The following MDN1 variants were observed in gnomAD, a reference collection of about 807,000 sequenced individuals.
The protein encoded by MDN1 is midasin AAA ATPase 1.
A neutral mutation model predicts 669.2 loss-of-function variants in MDN1; 266 were observed. That is an observed-to-expected ratio of 0.40 (90% CI 0.36 to 0.44). The LOEUF is 0.44. Among genes scored for constraint, MDN1 ranks in the 20% least tolerant of loss-of-function variants. The pLI, the probability that MDN1 is intolerant of heterozygous loss-of-function variation, is 1.00. For synonymous variants in MDN1, 2,385 were observed against 2,457.1 expected (o/e 0.97, Z 0.87); for missense variants, 5,940 against 6,754.0 (o/e 0.88, Z 4.22).
intron 43 of MDN1, among the ~76,000 whole-genome samples, chr6:89,717,947 AT>A (rs1258731032): frequency 6.6e-6 from 1 of 152,188 alleles, no homozygotes; most frequent in Non-Finnish European, 1.5e-5. Flanking sequence ...TTCCATGTTA[AT>A]TGGATGGCAT....
At chr6:89,727,600 T>C (rs577642562) in intron 37 of MDN1, among the ~76,000 whole-genome samples, 2 of 152,340 alleles carry the variant, frequency 1.3e-5, no homozygotes, top group Admixed American at 6.5e-5. Flanking sequence ...CTCTGAAGGA[T>C]AACTTTAAAC....
At chr6:89,710,564 G>C in intron 50 of MDN1, 117 bp downstream of exon 50, 2 of 484,322 alleles carry the variant, frequency 4.1e-6, no homozygotes, top group South Asian at 4.1e-5. Flanking sequence ...TGCATATCAT[G>C]AGTCTTCTAA....
At position 89,750,970 on chromosome 6, in the gene MDN1, A is replaced by ATT. The variant is rs11407844; in HGVS notation, c.3228-440_3228-439dup. Among the ~76,000 whole-genome samples the ATT allele has an allele frequency of 8.0e-3, 1,203 of 149,798 alleles. 17 individuals are homozygous for ATT. Among genetic ancestry groups the ATT allele is most frequent in the African/African-American group, 0.028 (1,123 of 40,746 alleles). On this transcript the variant is annotated intron_variant, in intron 23 of 101. Transcript: ENST00000369393. The stretch of plus-strand genomic sequence containing the variant: ...CATTTAACAGCATCATTAAAAGAGC[A>ATT]TTTTTTTTTCCTTTTTTTTCCCCTT...
chr6:89,807,050 T>G (rs545252282), intron 1 of MDN1, among the ~76,000 whole-genome samples: 8 of 152,296 alleles, frequency 5.3e-5, no homozygotes, highest in Admixed American at 3.9e-4. Flanking sequence ...TCTTAAGACT[T>G]TTTACATACA....
Position 89,747,372 on chromosome 6 carries a change from C to A in MDN1, c.3861G>T (p.Pro1287=), listed in dbSNP as rs547680742. The A allele has an allele frequency of 6.2e-7, 1 of 1,613,942 alleles. No homozygotes were observed. Among genetic ancestry groups the A allele is most frequent in the South Asian group, 1.1e-5 (1 of 91,048 alleles). Residue 1287 remains proline (P), a synonymous_variant, in exon 27 of 102, where the codon CCG becomes CCT. Coordinates refer to ENST00000369393, the MANE Select transcript of MDN1 (RefSeq NM_014611.3). ...RWAERYRLAE[P]TEKEYDWLQH... is the part of the protein sequence containing the mutation. ...GTAGCCAGTCATACTCCTTCTCGGT[C>A]GGCTCAGCCAATCTGTATCTTTCAG...
At chr6:89,654,797 G>A (rs1809131653) in intron 92 of MDN1, among the ~76,000 whole-genome samples, 1 of 152,116 alleles carries the variant, frequency 6.6e-6, no homozygotes, top group Non-Finnish European at 1.5e-5. Flanking sequence ...ATCTTGACTT[G>A]ATCATTAAAC....
At chr6:89,711,413 A>G (rs1277712522) in intron 49 of MDN1, among the ~76,000 whole-genome samples, 1 of 152,262 alleles carries the variant, frequency 6.6e-6, no homozygotes, top group East Asian at 1.9e-4. Context: ...AACTATTTAC[A>G]TAGCATTTAC....
At chr6:89,656,656 T>C in intron 91 of MDN1, 44 bp downstream of exon 91, 1 of 1,329,096 alleles carries the variant, frequency 7.5e-7, no homozygotes, top group Non-Finnish European at 1.1e-6. Flanking sequence ...CATCTTTTTC[T>C]ACATGCTGCC....
rs1434615136 is a variant in MDN1, at chr6:89,762,485, C to T, written c.2190G>A (p.Glu730=). ...TCTGAGCAAAGAGTTCCTCAAATGCCTCCCGTAAGGGTAGCCAAATAAGCT... is the reference window on the plus strand; with the variant it reads ...TCTGAGCAAAGAGTTCCTCAAATGCTTCCCGTAAGGGTAGCCAAATAAGCT... ...DHKLIWLPLR[E]AFEELFAQTF... Residue 730 remains glutamate (E), a synonymous_variant, in exon 16 of 102, where the codon GAG becomes GAA. Coordinates refer to ENST00000369393, the MANE Select transcript of MDN1 (RefSeq NM_014611.3). 2 of 1,613,998 alleles carry T rather than the reference C, an allele frequency of 1.2e-6. No individual in the cohort carries two copies. The highest frequency in any genetic ancestry group is 1.7e-6 in the Non-Finnish European group (2 of 1,180,008).
intron 90 of MDN1, among the ~76,000 whole-genome samples, chr6:89,657,694 A>G (rs1052178858): frequency 3.9e-5 from 6 of 152,214 alleles, no homozygotes; most frequent in African/African-American, 1.4e-4. Context: ...AATACAGCCG[A>G]TATTCCGGGG....
At position 89,762,302 on chromosome 6, in the gene MDN1, C is replaced by A; in HGVS notation, c.2356+17G>T. On this transcript the variant is annotated intron_variant, in intron 16 of 101. Coordinates refer to ENST00000369393, the MANE Select transcript of MDN1 (RefSeq NM_014611.3). Reference sequence around the variant, plus strand: ...GCCCCATGCCCTCCCCCATGGCAGCCTGGGTCACATCCTTACCAGTTTCAC... The same window carrying A: ...GCCCCATGCCCTCCCCCATGGCAGCATGGGTCACATCCTTACCAGTTTCAC... 6.2e-7 allele frequency: 1 copy of A among 1,604,004 alleles called. No homozygotes were observed. The highest frequency in any genetic ancestry group is 8.5e-7 in the Non-Finnish European group (1 of 1,172,642).
At chr6:89,775,390 C>T (rs1440397473) in intron 12 of MDN1, among the ~76,000 whole-genome samples, 1 of 152,122 alleles carries the variant, frequency 6.6e-6, no homozygotes, top group Non-Finnish European at 1.5e-5. Context: ...CTATGACCTC[C>T]AGCCAAAACC....
In MDN1 at chr6:89,723,038, G is replaced by C; in HGVS notation, c.5884C>G (p.Gln1962Glu). The C allele has an allele frequency of 6.2e-7, 1 of 1,614,028 alleles. No homozygotes were observed. Among genetic ancestry groups the C allele is most frequent in the Non-Finnish European group, 8.5e-7 (1 of 1,179,970 alleles). Residue 1962 changes from glutamine (Q) to glutamate (E), a missense_variant, in exon 40 of 102, where the codon CAG (glutamine) becomes GAG (glutamate). By Grantham distance (29) the Gln-to-Glu change is conservative. Coordinates refer to ENST00000369393, the MANE Select transcript of MDN1 (RefSeq NM_014611.3). ...CCAGGATCATAACACCCAGGGGACT[G>C]GTCAACCAGCATCAACTGACACCAG... ...FRWCQLMLVD[Q>E]SPGCYDPGQH...
chr6:89,749,247 C>T lies in MDN1; in HGVS notation c.3738G>A (p.Leu1246=), dbSNP rs1404349804. Residue 1246 remains leucine (L), a synonymous_variant, in exon 26 of 102, where the codon TTG becomes TTA. Transcript: ENST00000369393. ...CSLPPSYCSK[L]VKVMLDLQSY... ...CCTGAAGATCCAGCATGACTTTAAC[C>T]AACTTGCTGCAATAGGAGGGTGGCA... 1.2e-6 allele frequency: 2 copies of T among 1,613,780 alleles called. No individual in the cohort carries two copies. The highest frequency in any genetic ancestry group is 1.7e-6 in the Non-Finnish European group (2 of 1,179,960).
In MDN1 at chr6:89,789,793, G is replaced by A; in HGVS notation, c.1217C>T (p.Ala406Val). Reference sequence around the variant, plus strand: ...GAGATGACATACCACGTCTAAGGGGGCATAGTCAATATCCTCCAGAAGGAT... The same window carrying A: ...GAGATGACATACCACGTCTAAGGGGACATAGTCAATATCCTCCAGAAGGAT... Reference protein sequence around the residue: ...HWILLEDIDYAPLDVVSVLIP... With the variant: ...HWILLEDIDYVPLDVVSVLIP... The change falls in exon 7 of 102, where the codon GCC (alanine) becomes GTC (valine). Residue 406 changes from alanine (A) to valine (V), a missense_variant. By Grantham distance (64) the Ala-to-Val change is moderately conservative. Transcript: ENST00000369393. 1.2e-6 allele frequency: 2 copies of A among 1,611,144 alleles called. No homozygotes were observed. The highest frequency in any genetic ancestry group is 1.7e-6 in the Non-Finnish European group (2 of 1,179,026).
In MDN1 at chr6:89,673,217, A is replaced by C. The variant is rs752131240; in HGVS notation, c.13474+19T>G. ...TTCTACACTGGACTTTCATTCCCTG[A>C]CTGAACAATATTCCTTACCTCCTTG... On this transcript the variant is annotated intron_variant, in intron 80 of 101. Transcript: ENST00000369393. 2 of 1,585,492 alleles carry C rather than the reference A, an allele frequency of 1.3e-6. No homozygotes were observed. Among genetic ancestry groups the C allele is most frequent in the Non-Finnish European group, 1.7e-6 (2 of 1,154,244 alleles).
chr6:89,742,751 AAG>A (rs1816359142), intron 31 of MDN1, among the ~76,000 whole-genome samples: 1 of 152,186 alleles, frequency 6.6e-6, no homozygotes, highest in African/African-American at 2.4e-5. Context: ...TCAAAATATT[AAG>A]AGAGTAGGGA....
intron 40 of MDN1, 90 bp downstream of exon 40, chr6:89,722,865 A>AT (rs71024396): frequency 0.17 from 144,239 of 828,240 alleles, 5,671 homozygotes; most frequent in Non-Finnish European, 0.19. Context: ...AAAAAAAAAA[A>AT]AAGGCTTGCA....
At position 89,793,751 on chromosome 6, in the gene MDN1, T is replaced by C. The variant is rs964355725; in HGVS notation, c.855+11A>G. The stretch of plus-strand genomic sequence containing the variant: ...GGGAAGGGGACACACCCCCTACTGA[T>C]ACCAACATACCAGCTCTCCAGGGGC... On this transcript the variant is annotated intron_variant, in intron 5 of 101. Transcript: ENST00000369393. 6.2e-7 allele frequency: 1 copy of C among 1,610,536 alleles called. No homozygotes were observed. Among genetic ancestry groups the C allele is most frequent in the Non-Finnish European group, 8.5e-7 (1 of 1,178,026 alleles).
Sources: allele counts gnomAD v4.1 joint callset (sites outside exome capture counted in the v4.1 genomes callset), GRCh38; gene constraint gnomAD v4.1.1; transcripts MANE v1.5; gene names NCBI Gene and HGNC (gene_info 2026-07-23, HGNC 2026-07-21).